RPE: variants seen among roughly 807,000 people sequenced by gnomAD.
RPE encodes the protein ribulose-phosphate 3-epimerase.
Under a neutral mutation model 24.6 loss-of-function variants are expected in RPE, and 16 were observed. The observed-to-expected ratio is 0.65, with a 90% CI of 0.44 to 0.99. The LOEUF (loss-of-function observed/expected upper bound fraction) is 0.99, where lower values mean the gene tolerates loss of function less well. Ranked by LOEUF, RPE falls within the 50% of genes least tolerant of loss-of-function variation. The probability of loss-of-function intolerance (pLI) is 0.00; values close to 1 mark genes in which losing one functional copy is unlikely to be tolerated. For synonymous variants in RPE, 93 were observed against 98.4 expected (o/e 0.94, Z 0.33); for missense variants, 240 against 294.5 (o/e 0.81, Z 1.35).
At position 210,017,739 on chromosome 2, in the gene RPE, T is replaced by C. The variant is rs937794755; in HGVS notation, c.564+180T>C. The C allele has an allele frequency of 5.5e-5, 34 of 614,292 alleles. 1 individual carries two copies. Among genetic ancestry groups the C allele is most frequent in the Non-Finnish European group, 6.5e-5 (23 of 356,240 alleles). 38.1% of individuals were successfully genotyped at this position (614,292 alleles called of 1,614,324 possible). Reference sequence around the variant, plus strand: ...ACAGCCATAAGTGGATATGCTTTTTTTTTTTTTTTTTTTTTTTCTTTTTCT... The same window carrying C: ...ACAGCCATAAGTGGATATGCTTTTTCTTTTTTTTTTTTTTTTTCTTTTTCT... On this transcript the variant is annotated intron_variant, in intron 5 of 5. Coordinates refer to ENST00000359429, the MANE Select transcript of RPE (RefSeq NM_199229.3).
Position 210,018,598 on chromosome 2 carries a change from TA to T in RPE, c.564+1040del, listed in dbSNP as rs1459021449. The T allele has an allele frequency of 3.9e-5, 38 of 985,308 alleles. No individual in the cohort carries two copies. The East Asian group carries it at 4.2e-3, about 109-fold the overall frequency. 61.0% of individuals were successfully genotyped at this position (985,308 alleles called of 1,614,324 possible). A position where few individuals can be genotyped will look rare whatever the true frequency, so the allele number is the denominator to read the frequency against. ...CAAAAGCTTGACAGTAGTAAATACT[TA>T]TGCAGGAGGGGCTGGCCAGATGATG... On this transcript the variant is annotated intron_variant, in intron 5 of 5. Coordinates refer to ENST00000359429, the MANE Select transcript of RPE (RefSeq NM_199229.3).
chr2:210,018,231 A>G, intron 5 of RPE: 1 of 1,529,508 alleles, frequency 6.5e-7, no homozygotes, highest in Non-Finnish European at 8.7e-7. Context: ...GGTACTACCA[A>G]GGGGGGAAAA....
chr2:210,020,798 G>A lies in RPE; in HGVS notation c.*1007G>A, dbSNP rs2093845266. 6.4e-6 allele frequency: 1 copy of A among 156,636 alleles called. No individual in the cohort carries two copies. Among genetic ancestry groups the A allele is most frequent in the South Asian group, 2.1e-4 (1 of 4,824 alleles). The allele number at this position is 156,636 out of a possible 1,614,324, so 9.7% of individuals were successfully genotyped here. A position where few individuals can be genotyped will look rare whatever the true frequency, so the allele number is the denominator to read the frequency against. On this transcript the variant is annotated 3_prime_UTR_variant, in exon 6 of 6. Transcript: ENST00000359429. ...ATAAGTAAGTGGTAATAATAAAGCA[G>A]ATATTTTTGTCCCCATTTAAAAAAT...
chr2:210,009,606 A>G, intron 1 of RPE, 51 bp from the exon 2 acceptor site: 2 of 1,609,080 alleles, frequency 1.2e-6, no homozygotes, highest in Non-Finnish European at 8.5e-7. Context: ...TGAGAGAGAT[A>G]CAGAAACTGA....
At chr2:210,009,538 A>T in intron 1 of RPE, 119 bp from the exon 2 acceptor site, 1 of 1,320,390 alleles carries the variant, frequency 7.6e-7, no homozygotes, top group Non-Finnish European at 1.1e-6. Flanking sequence ...ACTGATGATT[A>T]AGTATTAAAT....
chr2:210,012,771 A>C (rs1055824176), intron 2 of RPE, among the ~76,000 whole-genome samples: 1 of 152,212 alleles, frequency 6.6e-6, no homozygotes, highest in Admixed American at 6.5e-5. Context: ...ATTTTAAAAA[A>C]CTTGTGTATC....
Position 210,021,480 on chromosome 2 carries a change from C to CAA in RPE, c.*1691_*1692dup, listed in dbSNP as rs1196085621. 3.3e-5 allele frequency: 5 copies of CAA among 152,486 alleles called. No homozygotes were observed. The highest frequency in any genetic ancestry group is 1.2e-4 in the African/African-American group (5 of 41,424). The allele number at this position is 152,486 out of a possible 1,614,324, so 9.4% of individuals were successfully genotyped here. On this transcript the variant is annotated 3_prime_UTR_variant, in exon 6 of 6. Coordinates refer to ENST00000359429, the MANE Select transcript of RPE (RefSeq NM_199229.3). Reference sequence around the variant, plus strand: ...TAGAAGATTATAATATCAGACGTGACAAAGATTTGAGTTTATTTGCCTGGA... The same window carrying CAA: ...TAGAAGATTATAATATCAGACGTGACAAAAAGATTTGAGTTTATTTGCCTGGA...
chr2:210,016,209 C>A (rs1327749236), intron 3 of RPE, 97 bp downstream of exon 3: 1 of 1,613,958 alleles, frequency 6.2e-7, no homozygotes, highest in East Asian at 2.2e-5. Context: ...TACAGTCTTG[C>A]TCTGTCACCC....
intron 1 of RPE, among the ~76,000 whole-genome samples, chr2:210,005,419 C>T (rs561845632): frequency 3.9e-5 from 6 of 152,212 alleles, no homozygotes; most frequent in African/African-American, 1.4e-4. Flanking sequence ...GAAGGTGGAG[C>T]ACTAGCATGA....
Position 210,019,611 on chromosome 2 carries a change from G to T in RPE, c.565-58G>T, listed in dbSNP as rs562644620. ...GTAGACACTCTAGTCCAGGAATTCT[G>T]TTTTAGGTTTTTCTACATTTTCCTT... On this transcript the variant is annotated intron_variant, in intron 5 of 5. Coordinates refer to ENST00000359429, the MANE Select transcript of RPE (RefSeq NM_199229.3). 1.7e-4 allele frequency: 264 copies of T among 1,585,854 alleles called. No individual in the cohort carries two copies. In the East Asian group the frequency reaches 4.9e-3, roughly 29 times the overall value.
chr2:210,013,727 G>A (rs1355920752), intron 2 of RPE, among the ~76,000 whole-genome samples: 1 of 151,970 alleles, frequency 6.6e-6, no homozygotes, highest in East Asian at 1.9e-4. Context: ...AAACTCCTGG[G>A]CTCAAGCAAT....
At position 210,016,086 on chromosome 2, in the gene RPE, A is replaced by G. The variant is rs141547011; in HGVS notation, c.316A>G (p.Lys106Glu). The G allele has an allele frequency of 2.3e-4, 379 of 1,614,234 alleles. No individual in the cohort carries two copies. Among genetic ancestry groups the G allele is most frequent in the Non-Finnish European group, 3.1e-4 (364 of 1,180,038 alleles). The part of the protein sequence containing the change: ...EATENPGALI[K>E]DIRENGMKVG... ...TACTGAGAACCCAGGGGCTTTGATT[A>G]AAGACATTCGGGAGAATGGGATGAA... The change falls in exon 3 of 6, where the codon AAA (lysine) becomes GAA (glutamate). Residue 106 changes from lysine to glutamate, a missense_variant. Transcript: ENST00000359429.
intron 1 of RPE, among the ~76,000 whole-genome samples, chr2:210,005,284 A>G (rs370455730): frequency 3.9e-5 from 6 of 152,170 alleles, no homozygotes; most frequent in African/African-American, 1.2e-4. Context: ...ATCTCATCCA[A>G]CATTACACTT....
At position 210,019,544 on chromosome 2, in the gene RPE, C is replaced by G. The variant is rs557536794; in HGVS notation, c.565-125C>G. ...TAGATTGCTTAAGTCTGCTTAATCT[C>G]AAAGTGGCTCTCATATGATTGAAAT... On this transcript the variant is annotated intron_variant, in intron 5 of 5. Coordinates refer to ENST00000359429, the MANE Select transcript of RPE (RefSeq NM_199229.3). The G allele has an allele frequency of 2.4e-5, 28 of 1,166,510 alleles. No individual in the cohort carries two copies. In the African/African-American group the frequency reaches 4.2e-4, roughly 17 times the overall value. 72.3% of individuals were successfully genotyped at this position (1,166,510 alleles called of 1,614,324 possible).
chr2:210,018,077 T>C, intron 5 of RPE: 1 of 1,401,682 alleles, frequency 7.1e-7, no homozygotes. Flanking sequence ...ACATAAATTG[T>C]TAAAATTGTA....
intron 5 of RPE, 93 bp downstream of exon 5, chr2:210,017,652 C>A: frequency 8.5e-7 from 1 of 1,172,178 alleles, no homozygotes; most frequent in Non-Finnish European, 1.2e-6. Context: ...CTCTGTGGTT[C>A]CTAAGTTGAC....
chr2:210,019,452 TC>T (rs1378887639), intron 5 of RPE, among the ~76,000 whole-genome samples: 1 of 152,178 alleles, frequency 6.6e-6, no homozygotes, highest in African/African-American at 2.4e-5. Context: ...GTCAATGATT[TC>T]TTAGACACAT....
At chr2:210,007,610 T>G (rs2093647032) in intron 1 of RPE, among the ~76,000 whole-genome samples, 1 of 152,258 alleles carries the variant, frequency 6.6e-6, no homozygotes, top group South Asian at 2.1e-4. Flanking sequence ...TGTAACTTGC[T>G]TATTTCTGCT....
chr2:210,017,489 C>T lies in RPE; in HGVS notation c.494C>T (p.Thr165Ile). Residue 165 changes from threonine (T) to isoleucine (I), a missense_variant, in exon 5 of 6, where the codon ACC (threonine) becomes ATC (isoleucine). Coordinates refer to ENST00000359429, the MANE Select transcript of RPE (RefSeq NM_199229.3). ...DMMPKVHWLR[T>I]QFPSLDIEVD... is the part of the protein sequence containing the mutation. ...TATATCTAGGTTCACTGGTTGAGGA[C>T]CCAGTTCCCATCTTTGGATATAGAG... 6.9e-7 allele frequency: 1 copy of T among 1,458,112 alleles called. No homozygotes were observed. The highest frequency in any genetic ancestry group is 9.2e-7 in the Non-Finnish European group (1 of 1,087,270). 90.3% of individuals were successfully genotyped at this position (1,458,112 alleles called of 1,614,324 possible). A position where few individuals can be genotyped will look rare whatever the true frequency, so the allele number is the denominator to read the frequency against.
Sources: allele counts gnomAD v4.1 joint callset (sites outside exome capture counted in the v4.1 genomes callset), GRCh38; gene constraint gnomAD v4.1.1; transcripts MANE v1.5; gene names NCBI Gene and HGNC (gene_info 2026-07-23, HGNC 2026-07-21).